Variants in RNF25 observed in about 807,000 individuals in gnomAD.
RNF25 encodes the protein ring finger protein 25.
A neutral mutation model predicts 65.0 loss-of-function variants in RNF25; 32 were observed. The observed-to-expected ratio is 0.49, with a 90% confidence interval of 0.37 to 0.66. The LOEUF (loss-of-function observed/expected upper bound fraction) is 0.66, where lower values mean the gene tolerates loss of function less well. RNF25 is among the 30% of genes least tolerant of loss of function. The pLI, the probability that RNF25 is intolerant of heterozygous loss-of-function variation, is 0.00. For synonymous variants in RNF25, 207 were observed against 221.2 expected (o/e 0.94, Z 0.57); for missense variants, 493 against 584.8 (o/e 0.84, Z 1.62).
intron 7 of RNF25, 151 bp downstream of exon 7, chr2:218,665,765 C>T: frequency 1.9e-6 from 2 of 1,042,982 alleles, no homozygotes; most frequent in Non-Finnish European, 1.3e-6. Flanking sequence ...AAAGGATGCC[C>T]TTTATTCTGG....
chr2:218,664,383 C>T lies in RNF25; in HGVS notation c.954G>A (p.Lys318=). ...GCTGATTTGACCTGGTCCCTGGAATCTTCTCACATATGTGCTGGGTCGCCA... is the reference window on the plus strand; with the variant it reads ...GCTGATTTGACCTGGTCCCTGGAATTTTCTCACATATGTGCTGGGTCGCCA... ...LPVATQHICE[K]IPGTRSNQQR... Residue 318 remains lysine (K), a synonymous_variant, in exon 10 of 10, where the codon AAG becomes AAA. Coordinates refer to ENST00000295704, the MANE Select transcript of RNF25 (RefSeq NM_022453.3). The surrounding 1 kb of genome is among the most constrained non-coding windows in gnomAD (Gnocchi z 5.1). The T allele has an allele frequency of 6.2e-7, 1 of 1,614,172 alleles. No homozygotes were observed. Among genetic ancestry groups the T allele is most frequent in the Non-Finnish European group, 8.5e-7 (1 of 1,180,030 alleles).
Position 218,666,075 on chromosome 2 carries a change from A to G in RNF25, c.430-16T>C. The G allele has an allele frequency of 1.2e-6, 2 of 1,613,170 alleles. No homozygotes were observed. Among genetic ancestry groups the G allele is most frequent in the Middle Eastern group, 1.7e-4 (1 of 6,058 alleles). On this transcript the variant is annotated splice_polypyrimidine_tract_variant and intron_variant, in intron 6 of 9. Coordinates refer to ENST00000295704, the MANE Select transcript of RNF25 (RefSeq NM_022453.3). Reference sequence around the variant, plus strand: ...CCTCCTTCTCCTAGAGGGAAGGCAGATGTAGGGCACTAAGTCAGAGCTCTC... The same window carrying G: ...CCTCCTTCTCCTAGAGGGAAGGCAGGTGTAGGGCACTAAGTCAGAGCTCTC...
chr2:218,663,940 C>G lies in RNF25; in HGVS notation c.*17G>C. ...TCCCTCCCATCCCCAATTCCCTGTT[C>G]CCCCCACCAAGTCCTGCTAGGAACC... On this transcript the variant is annotated 3_prime_UTR_variant, in exon 10 of 10. Coordinates refer to ENST00000295704, the MANE Select transcript of RNF25 (RefSeq NM_022453.3). 2.1e-6 allele frequency: 3 copies of G among 1,423,452 alleles called. No individual in the cohort carries two copies. The highest frequency in any genetic ancestry group is 2.8e-6 in the Non-Finnish European group (3 of 1,084,838). The allele number at this position is 1,423,452 out of a possible 1,614,324, so 88.2% of individuals were successfully genotyped here.
In RNF25 at chr2:218,668,625, C is replaced by T. The variant is rs1939887581; in HGVS notation, c.96G>A (p.Gln32=). The part of the protein sequence containing the change: ...VLESIYLDEL[Q]VIKGNGRTSP... ...CATACCTGCCATTTCCTTTAATCAC[C>T]TGTAGTTCATCTAGATAGATGGACT... Residue 32 remains glutamine, a synonymous_variant, in exon 2 of 10, where the codon CAG becomes CAA. Coordinates refer to ENST00000295704, the MANE Select transcript of RNF25 (RefSeq NM_022453.3). 6.2e-7 allele frequency: 1 copy of T among 1,611,748 alleles called. No individual in the cohort carries two copies. The highest frequency in any genetic ancestry group is 1.3e-5 in the African/African-American group (1 of 74,772).
At position 218,664,640 on chromosome 2, in the gene RNF25, C is replaced by A; in HGVS notation, c.801+99G>T. 2 of 1,584,466 alleles carry A rather than the reference C, an allele frequency of 1.3e-6. No homozygotes were observed. Among genetic ancestry groups the A allele is most frequent in the African/African-American group, 2.7e-5 (2 of 74,378 alleles). On this transcript the variant is annotated intron_variant, in intron 9 of 9. Coordinates refer to ENST00000295704, the MANE Select transcript of RNF25 (RefSeq NM_022453.3). The surrounding 1 kb of genome is among the most constrained non-coding windows in gnomAD (Gnocchi z 5.1). ...GGGCTGACCACGATCAGCCTATCAT[C>A]TTCCTGGTTAGAACAAAGCTCACTC... is the stretch of plus-strand genomic sequence containing the variant.
At position 218,666,044 on chromosome 2, in the gene RNF25, T is replaced by G; in HGVS notation, c.445A>C (p.Thr149Pro). The G allele has an allele frequency of 6.2e-7, 1 of 1,613,858 alleles. No individual in the cohort carries two copies. The highest frequency in any genetic ancestry group is 8.5e-7 in the Non-Finnish European group (1 of 1,179,842). The change falls in exon 7 of 10, where the codon ACC (threonine) becomes CCC (proline). Residue 149 changes from threonine (T) to proline (P), a missense_variant. Transcript: ENST00000295704. ...LYGFQEKEAFTKTPCYHYFHC... is the reference protein window; with the variant it reads ...LYGFQEKEAFPKTPCYHYFHC... Reference sequence around the variant, plus strand: ...AAGTAGTGGTAACAGGGTGTTTTGGTAAAGGCCTCCTTCTCCTAGAGGGAA... The same window carrying G: ...AAGTAGTGGTAACAGGGTGTTTTGGGAAAGGCCTCCTTCTCCTAGAGGGAA...
At chr2:218,666,124 C>A (rs946764793) in intron 6 of RNF25, 35 bp downstream of exon 6, 1 of 1,612,568 alleles carries the variant, frequency 6.2e-7, no homozygotes, top group Non-Finnish European at 8.5e-7. Flanking sequence ...CTGCTGGTCC[C>A]AAACAGAATG....
At chr2:218,665,787 A>C in intron 7 of RNF25, 129 bp downstream of exon 7, 1 of 1,161,114 alleles carries the variant, frequency 8.6e-7, no homozygotes, top group Non-Finnish European at 1.2e-6. Context: ...CAGAGGTAAG[A>C]GTTCATTAAT....
chr2:218,664,594 C>A lies in RNF25; in HGVS notation c.802-59G>T. ...TGCAGTTCCTCAAGGTGGGGAACTA[C>A]AGGCCCCTCTCCTACTATCTGGGCT... On this transcript the variant is annotated intron_variant, in intron 9 of 9. Coordinates refer to ENST00000295704, the MANE Select transcript of RNF25 (RefSeq NM_022453.3). The surrounding 1 kb of genome is among the most constrained non-coding windows in gnomAD (Gnocchi z 5.1). 6.3e-7 allele frequency: 1 copy of A among 1,579,832 alleles called. No individual in the cohort carries two copies. Among genetic ancestry groups the A allele is most frequent in the Non-Finnish European group, 8.6e-7 (1 of 1,157,882 alleles).
intron 1 of RNF25, among the ~76,000 whole-genome samples, chr2:218,671,306 T>C (rs1315793701): frequency 6.6e-6 from 1 of 151,868 alleles, no homozygotes; most frequent in African/African-American, 2.4e-5. Flanking sequence ...TCACAGAAGC[T>C]AGATGGCCTG....
rs868415594 is a variant in RNF25, at chr2:218,663,943, C to A, written c.*14G>T. 31 of 1,425,774 alleles carry A rather than the reference C, an allele frequency of 2.2e-5. No homozygotes were observed. In the Middle Eastern group the frequency reaches 2.6e-3, roughly 121 times the overall value. 88.3% of individuals were successfully genotyped at this position (1,425,774 alleles called of 1,614,324 possible). The stretch of plus-strand genomic sequence containing the variant: ...CTCCCATCCCCAATTCCCTGTTCCC[C>A]CCACCAAGTCCTGCTAGGAACCATC... On this transcript the variant is annotated 3_prime_UTR_variant, in exon 10 of 10. Coordinates refer to ENST00000295704, the MANE Select transcript of RNF25 (RefSeq NM_022453.3).
intron 1 of RNF25, among the ~76,000 whole-genome samples, chr2:218,670,695 CAAAAAAAAAA>C (rs34923737): frequency 3.1e-5 from 1 of 32,318 alleles, no homozygotes; most frequent in Non-Finnish European, 7.3e-5. Flanking sequence ...GACTCCGTCT[CAAAAAAAAAA>C]AAAAAAAAAA....
At chr2:218,671,894 C>G (rs1434562751) in intron 1 of RNF25, 36 bp downstream of exon 1, 27 of 1,613,576 alleles carry the variant, frequency 1.7e-5, no homozygotes, top group Non-Finnish European at 2.3e-5. Context: ...GGACTAGATC[C>G]AGGCTGTCAG....
intron 2 of RNF25, 103 bp downstream of exon 2, chr2:218,668,502 T>A: frequency 9.9e-7 from 1 of 1,011,992 alleles, no homozygotes; most frequent in Non-Finnish European, 1.6e-6. Context: ...AAGAGAAATA[T>A]TATCTCTGAA....
rs748915264 is a variant in RNF25 at position 218,664,495 on chromosome 2, G to A, written c.842C>T (p.Ser281Phe). Reference protein sequence around the residue: ...PAEPESAVDVSKGSQPPSTLA... With the variant: ...PAEPESAVDVFKGSQPPSTLA... ...GGTGCTGGGTGGTTGGGATCCTTTG[G>A]AGACATCTACAGCTGACTCAGGTTC... Residue 281 changes from serine (S) to phenylalanine (F), a missense_variant, in exon 10 of 10, where the codon TCC (serine) becomes TTC (phenylalanine). Physicochemically the swap from Ser to Phe is radical, Grantham distance 155. This residue lies in a region of RNF25 where 351 missense variants were observed against 400.2 expected (regional missense o/e 0.88). Coordinates refer to ENST00000295704, the MANE Select transcript of RNF25 (RefSeq NM_022453.3). This position sits in a 1 kb window ranked among gnomAD's most constrained non-coding sequence, Gnocchi z 5.1. 7.4e-6 allele frequency: 12 copies of A among 1,613,982 alleles called. No individual in the cohort carries two copies. The South Asian group carries it at 1.3e-4, about 18-fold the overall frequency.
intron 7 of RNF25, among the ~76,000 whole-genome samples, chr2:218,665,512 C>T (rs1264170046): frequency 1.3e-5 from 2 of 152,038 alleles, no homozygotes; most frequent in East Asian, 1.9e-4. Context: ...GAGGCCGAGG[C>T]GGGCGGGATC....
At chr2:218,667,793 A>G in intron 5 of RNF25, 119 bp downstream of exon 5, 2 of 852,006 alleles carry the variant, frequency 2.3e-6, no homozygotes, top group Non-Finnish European at 1.8e-6. Context: ...GGATTAATTT[A>G]GGCCTTACCT....
chr2:218,665,881 G>A, intron 7 of RNF25, 35 bp downstream of exon 7: 1 of 1,596,144 alleles, frequency 6.3e-7, no homozygotes, highest in Non-Finnish European at 8.6e-7. Flanking sequence ...GTGCCTAAGG[G>A]TGTCAGATGA....
chr2:218,664,464 T>A lies in RNF25; in HGVS notation c.873A>T (p.Ala291=). 1.9e-6 allele frequency: 3 copies of A among 1,614,172 alleles called. No individual in the cohort carries two copies. The part of the protein sequence containing the change: ...SKGSQPPSTL[A]AELSTSPAVQ... ...CGGCTGGTGAGGTGGATAGTTCTGC[T>A]GCAAGGGTGCTGGGTGGTTGGGATC... The change falls in exon 10 of 10, where the codon GCA becomes GCT. Residue 291 remains alanine (A), a synonymous_variant. Transcript: ENST00000295704. The surrounding 1 kb of genome is among the most constrained non-coding windows in gnomAD (Gnocchi z 5.1).
Sources: allele counts gnomAD v4.1 joint callset (sites outside exome capture counted in the v4.1 genomes callset), GRCh38; gene constraint gnomAD v4.1.1; regional missense constraint gnomAD v4.1.1; non-coding constraint Gnocchi (gnomAD v3.1); transcripts MANE v1.5; gene names NCBI Gene and HGNC (gene_info 2026-07-23, HGNC 2026-07-21).